The following CWF19L2 variants were observed in gnomAD, a reference collection of about 807,000 sequenced individuals.
CWF19L2 encodes the protein CWF19 like cell cycle control factor 2.
In CWF19L2, 98 loss-of-function variants were observed where a neutral mutation model predicts 111.7. That is an observed-to-expected ratio of 0.88 (90% CI 0.75 to 1.04). CWF19L2 has a LOEUF of 1.04. Ranked by LOEUF, CWF19L2 falls within the 50% of genes least tolerant of loss-of-function variation. The pLI is 0.00. For synonymous variants in CWF19L2, 351 were observed against 342.9 expected, an observed-to-expected ratio of 1.02 and a Z score of -0.26; for missense variants, 1,101 against 1,051.4, an observed-to-expected ratio of 1.05 and a Z score of -0.65.
rs538600862 is a variant in CWF19L2 at position 107,404,518 on chromosome 11, C to A, written c.1618-11623G>T. 3.4e-3 allele frequency: 2,439 copies of A among 717,090 alleles called. 19 individuals are homozygous for A. The highest frequency in any genetic ancestry group is 0.022 in the Middle Eastern group (62 of 2,876). 44.4% of individuals were successfully genotyped at this position (717,090 alleles called of 1,614,324 possible). A position where few individuals can be genotyped will look rare whatever the true frequency, so the allele number is the denominator to read the frequency against. ...GACTGTATGGACTGTATCCCACAAA[C>A]CTTGGAGTGCTGGGCATTTGTGTTG... On this transcript the variant is annotated intron_variant, in intron 10 of 17. Coordinates refer to ENST00000282251, the MANE Select transcript of CWF19L2 (RefSeq NM_152434.3).
chr11:107,411,051 C>G (rs1861149447), intron 10 of CWF19L2, among the ~76,000 whole-genome samples: 1 of 150,282 alleles, frequency 6.7e-6, no homozygotes, highest in Non-Finnish European at 1.5e-5. Flanking sequence ...TAGGTCTATG[C>G]TTTTATAAGA....
intron 15 of CWF19L2, among the ~76,000 whole-genome samples, chr11:107,336,097 T>G (rs1401775406): frequency 6.6e-6 from 1 of 152,096 alleles, no homozygotes; most frequent in Non-Finnish European, 1.5e-5. Context: ...GGTGCATGCC[T>G]GTAGTCCCAA....
At chr11:107,411,245 A>G (rs1440391256) in intron 10 of CWF19L2, among the ~76,000 whole-genome samples, 1 of 152,162 alleles carries the variant, frequency 6.6e-6, no homozygotes, top group Admixed American at 6.5e-5. Context: ...AACCTGCCTA[A>G]AACAGTTAAT....
At chr11:107,437,192 T>G (rs1377096682) in intron 6 of CWF19L2, among the ~76,000 whole-genome samples, 1 of 152,168 alleles carries the variant, frequency 6.6e-6, no homozygotes, top group Non-Finnish European at 1.5e-5. Flanking sequence ...ATCCAGACAC[T>G]GCTAAAACAT....
At chr11:107,388,255 C>T (rs1860799147) in intron 12 of CWF19L2, among the ~76,000 whole-genome samples, 1 of 152,174 alleles carries the variant, frequency 6.6e-6, no homozygotes, top group African/African-American at 2.4e-5. Context: ...TTCACTTTCT[C>T]ATCCACTAGA....
At chr11:107,327,655 T>C (rs1859780683) in intron 17 of CWF19L2, among the ~76,000 whole-genome samples, 1 of 152,168 alleles carries the variant, frequency 6.6e-6, no homozygotes, top group African/African-American at 2.4e-5. Context: ...GGTTATCTGA[T>C]TATTATTCTT....
chr11:107,440,188 G>A (rs937629415), intron 5 of CWF19L2, among the ~76,000 whole-genome samples: 1 of 152,136 alleles, frequency 6.6e-6, no homozygotes, highest in African/African-American at 2.4e-5. Context: ...TAATGATACC[G>A]AAGTTGACCC....
chr11:107,352,322 C>T (rs1860167681), intron 13 of CWF19L2, among the ~76,000 whole-genome samples: 1 of 151,976 alleles, frequency 6.6e-6, no homozygotes, highest in South Asian at 2.1e-4. Flanking sequence ...TAAAACTGAT[C>T]TGGTTATGTT....
intron 14 of CWF19L2, among the ~76,000 whole-genome samples, chr11:107,342,720 CA>C (rs1183837966): frequency 6.6e-6 from 1 of 152,124 alleles, no homozygotes; most frequent in Non-Finnish European, 1.5e-5. Flanking sequence ...AAGAACCTAA[CA>C]ACATTACCAT....
At chr11:107,388,662 G>A (rs1376016675) in intron 12 of CWF19L2, among the ~76,000 whole-genome samples, 1 of 152,134 alleles carries the variant, frequency 6.6e-6, no homozygotes, top group Non-Finnish European at 1.5e-5. Context: ...TTACAGGGTT[G>A]AGCCACCACG....
chr11:107,376,016 G>A (rs1251671055), intron 12 of CWF19L2, among the ~76,000 whole-genome samples: 2 of 120,376 alleles, frequency 1.7e-5, no homozygotes, highest in East Asian at 2.4e-4. Flanking sequence ...AAATCTAGAA[G>A]AAATGGATAA....
At chr11:107,448,146 C>T (rs1302413246) in intron 3 of CWF19L2, among the ~76,000 whole-genome samples, 2 of 151,902 alleles carry the variant, frequency 1.3e-5, no homozygotes, top group East Asian at 3.9e-4. Flanking sequence ...GAGATCCAGA[C>T]CATCCTGGCC....
chr11:107,413,897 T>C (rs1435425828), intron 10 of CWF19L2, among the ~76,000 whole-genome samples: 2 of 152,194 alleles, frequency 1.3e-5, no homozygotes, highest in Non-Finnish European at 2.9e-5. Context: ...GAACAGACCT[T>C]TAAAACCAGT....
At chr11:107,379,868 G>A (rs1258039333) in intron 12 of CWF19L2, among the ~76,000 whole-genome samples, 1 of 151,606 alleles carries the variant, frequency 6.6e-6, no homozygotes, top group East Asian at 1.9e-4. Flanking sequence ...GACCATCCTG[G>A]CTAACACAGT....
intron 3 of CWF19L2, among the ~76,000 whole-genome samples, chr11:107,443,927 C>T (rs1427668180): frequency 6.6e-6 from 1 of 152,140 alleles, no homozygotes; most frequent in African/African-American, 2.4e-5. Context: ...TATGGCTGTG[C>T]CTATCCTTAT....
At chr11:107,411,088 T>TACAC (rs1861150873) in intron 10 of CWF19L2, among the ~76,000 whole-genome samples, 1 of 48,824 alleles carries the variant, frequency 2.0e-5, no homozygotes, top group African/African-American at 1.4e-4. Context: ...CGCGCGTGCG[T>TACAC]GCACACACAC....
chr11:107,330,133 G>A lies in CWF19L2; in HGVS notation c.2440-114C>T, dbSNP rs1029902904. On this transcript the variant is annotated intron_variant, in intron 16 of 17. Coordinates refer to ENST00000282251, the MANE Select transcript of CWF19L2 (RefSeq NM_152434.3). ...ATCTTAAGCATTCCTCAAGACAAATGTATAAAATGAATTTCCAGTTCTAGA... is the reference window on the plus strand; with the variant it reads ...ATCTTAAGCATTCCTCAAGACAAATATATAAAATGAATTTCCAGTTCTAGA... The A allele has an allele frequency of 5.8e-6, 3 of 521,394 alleles. No individual in the cohort carries two copies. The Admixed American group carries it at 1.2e-4, about 20-fold the overall frequency. The allele number at this position is 521,394 out of a possible 1,614,324, so 32.3% of individuals were successfully genotyped here.
At chr11:107,450,457 G>T (rs1212210474) in intron 3 of CWF19L2, among the ~76,000 whole-genome samples, 1 of 152,100 alleles carries the variant, frequency 6.6e-6, no homozygotes, top group South Asian at 2.1e-4. Flanking sequence ...AGAGGCTGAG[G>T]TGGGAGAGTC....
At chr11:107,352,142 T>C (rs1860164358) in intron 13 of CWF19L2, among the ~76,000 whole-genome samples, 1 of 152,182 alleles carries the variant, frequency 6.6e-6, no homozygotes, top group Non-Finnish European at 1.5e-5. Context: ...CTCAGTGTCT[T>C]TGCTTGTATT....
Sources: gnomAD v4.1 joint callset for allele counts (sites outside exome capture counted in the v4.1 genomes callset) on GRCh38, gnomAD v4.1.1 for gene constraint, MANE v1.5 for transcripts, NCBI Gene and HGNC (gene_info 2026-07-23, HGNC 2026-07-21) for gene names.